The following MAP3K4 variants were observed in gnomAD, a reference collection of about 807,000 sequenced individuals.
MAP3K4 encodes MAP three kinase 1.
Under a neutral mutation model 185.6 loss-of-function variants are expected in MAP3K4, and 67 were observed. The observed-to-expected ratio is 0.36, with a 90% confidence interval of 0.30 to 0.44. MAP3K4 has a LOEUF of 0.44. Among genes scored for constraint, MAP3K4 ranks in the 20% least tolerant of loss-of-function variants. MAP3K4 has a pLI of 1.00. For synonymous variants in MAP3K4, 702 were observed against 710.4 expected, an observed-to-expected ratio of 0.99 and a Z score of 0.19; for missense variants, 1,551 against 1,995.1, an observed-to-expected ratio of 0.78 and a Z score of 4.24.
rs139049030 is a variant in MAP3K4, at chr6:161,018,254, A to G, written c.153-16005A>G. Among the ~76,000 whole-genome samples, 715 of 152,264 alleles carry G rather than the reference A, an allele frequency of 4.7e-3. 5 individuals are homozygous for G. Among genetic ancestry groups the G allele is most frequent in the African/African-American group, 0.017 (695 of 41,548 alleles). ...GTGATCTAGAAAAAGAGCTCCAGAA[A>G]ATTTATATAAGGCCTTCTTGAGTCG... On this transcript the variant is annotated intron_variant, in intron 1 of 26. Coordinates refer to ENST00000392142, the MANE Select transcript of MAP3K4 (RefSeq NM_005922.4).
At position 161,073,734 on chromosome 6, in the gene MAP3K4, A is replaced by T. The variant is rs192685387; in HGVS notation, c.2097+122A>T. ...ACATATTCAGATAAACTTCTCTAGTAATGAATTATAGAAATGATCCCTGAA... is the reference window on the plus strand; with the variant it reads ...ACATATTCAGATAAACTTCTCTAGTTATGAATTATAGAAATGATCCCTGAA... On this transcript the variant is annotated intron_variant, in intron 5 of 26. Transcript: ENST00000392142. This position sits in a 1 kb window ranked among gnomAD's most constrained non-coding sequence, Gnocchi z 4.2. 9.1e-4 allele frequency: 911 copies of T among 995,950 alleles called. 8 individuals carry two copies. In the African/African-American group the frequency reaches 0.014, roughly 15 times the overall value. The allele number at this position is 995,950 out of a possible 1,614,324, so 61.7% of individuals were successfully genotyped here. A position where few individuals can be genotyped will look rare whatever the true frequency, so the allele number is the denominator to read the frequency against.
rs1268676579 is a variant in MAP3K4, at chr6:161,101,564, C to T, written c.3675-328C>T. 1 of 184,472 alleles carries T rather than the reference C, an allele frequency of 5.4e-6. No individual in the cohort carries two copies. The highest frequency in any genetic ancestry group is 2.3e-5 in the African/African-American group (1 of 42,734). The allele number at this position is 184,472 out of a possible 1,614,324, so 11.4% of individuals were successfully genotyped here. On this transcript the variant is annotated intron_variant, in intron 17 of 26. Coordinates refer to ENST00000392142, the MANE Select transcript of MAP3K4 (RefSeq NM_005922.4). The surrounding 1 kb of genome is among the most constrained non-coding windows in gnomAD (Gnocchi z 5.1). ...ACAAGGTTTTATGCAGGCAGGTGCT[C>T]TCAGGCTCGGGTGTTGGCTATGGAG...
Position 161,097,184 on chromosome 6 carries a change from G to A in MAP3K4, c.3524+8G>A, listed in dbSNP as rs764519195. 3 of 1,612,406 alleles carry A rather than the reference G, an allele frequency of 1.9e-6. No individual in the cohort carries two copies. Among genetic ancestry groups the A allele is most frequent in the Non-Finnish European group, 2.5e-6 (3 of 1,178,600 alleles). ...CACTCCAGAGGGATTCAGGTATTTGGTGCTTATCTAGTCATTTGCTTTACA... is the reference window on the plus strand; with the variant it reads ...CACTCCAGAGGGATTCAGGTATTTGATGCTTATCTAGTCATTTGCTTTACA... On this transcript the variant is annotated splice_region_variant and intron_variant, in intron 16 of 26. Coordinates refer to ENST00000392142, the MANE Select transcript of MAP3K4 (RefSeq NM_005922.4). The surrounding 1 kb of genome is among the most constrained non-coding windows in gnomAD (Gnocchi z 4.9).
intron 1 of MAP3K4, among the ~76,000 whole-genome samples, chr6:161,014,531 A>G (rs529979944): frequency 2.6e-5 from 4 of 152,342 alleles, no homozygotes; most frequent in Non-Finnish European, 5.9e-5. Flanking sequence ...GCTAGTCACA[A>G]TTTCCTCTAG....
At chr6:161,079,133 G>C (rs138642471) in intron 5 of MAP3K4, among the ~76,000 whole-genome samples, 2 of 147,156 alleles carry the variant, frequency 1.4e-5, no homozygotes, top group East Asian at 4.2e-4. Context: ...AGAATCACTT[G>C]AACCTGGGAG....
rs570762027 is a variant in MAP3K4 at position 161,064,418 on chromosome 6, G to A, written c.1708-6190G>A. On this transcript the variant is annotated intron_variant, in intron 3 of 26. Transcript: ENST00000392142. This position sits in a 1 kb window ranked among gnomAD's most constrained non-coding sequence, Gnocchi z 4.3. ...TGTTAATTGCTTATAACATACATTA[G>A]ATAACCCATTATTTTCCAACTTCTT... is the stretch of plus-strand genomic sequence containing the variant. Among the ~76,000 whole-genome samples, 18 of 151,152 alleles carry A rather than the reference G, an allele frequency of 1.2e-4. No individual in the cohort carries two copies. In the South Asian group the frequency reaches 3.7e-3, roughly 31 times the overall value.
rs1243667226 is a variant in MAP3K4 at position 161,101,673 on chromosome 6, G to T, written c.3675-219G>T. 2.1e-6 allele frequency: 1 copy of T among 481,724 alleles called. No homozygotes were observed. Among genetic ancestry groups the T allele is most frequent in the Non-Finnish European group, 3.7e-6 (1 of 267,258 alleles). The allele number at this position is 481,724 out of a possible 1,614,324, so 29.8% of individuals were successfully genotyped here. A position where few individuals can be genotyped will look rare whatever the true frequency, so the allele number is the denominator to read the frequency against. On this transcript the variant is annotated intron_variant, in intron 17 of 26. Transcript: ENST00000392142. The surrounding 1 kb of genome is among the most constrained non-coding windows in gnomAD (Gnocchi z 5.1). Reference sequence around the variant, plus strand: ...TCTCCACAGCAGCGCTGTTCACTTAGGGGGCTGATTCTGGTGGGTCTGTCC... The same window carrying T: ...TCTCCACAGCAGCGCTGTTCACTTATGGGGCTGATTCTGGTGGGTCTGTCC...
At chr6:161,000,063 T>C (rs1339080244) in intron 1 of MAP3K4, among the ~76,000 whole-genome samples, 1 of 152,240 alleles carries the variant, frequency 6.6e-6, no homozygotes, top group Non-Finnish European at 1.5e-5. Context: ...GTAGTGGTTT[T>C]GAAACTGTGT....
In MAP3K4 at chr6:161,065,451, T is replaced by A. The variant is rs145891253; in HGVS notation, c.1708-5157T>A. On this transcript the variant is annotated intron_variant, in intron 3 of 26. Coordinates refer to ENST00000392142, the MANE Select transcript of MAP3K4 (RefSeq NM_005922.4). The stretch of plus-strand genomic sequence containing the variant: ...GCTCACTGGTTTTATTGTAATAATT[T>A]GGAATGCAAGATCCAGGCCTTTTCT... 9.2e-5 allele frequency among the ~76,000 whole-genome samples: 14 copies of A among 152,326 alleles called. No individual in the cohort carries two copies. In the East Asian group the frequency reaches 1.2e-3, roughly 13 times the overall value.
Position 161,097,948 on chromosome 6 carries a change from A to T in MAP3K4, c.3525-330A>T, listed in dbSNP as rs1253842371. 6.6e-6 allele frequency among the ~76,000 whole-genome samples: 1 copy of T among 151,732 alleles called. No individual in the cohort carries two copies. Among genetic ancestry groups the T allele is most frequent in the African/African-American group, 2.4e-5 (1 of 41,304 alleles). Reference sequence around the variant, plus strand: ...AATACAACAAAGATAATAGCTGGGTATGGTGGCCGTGCCTGTAGTCCCAGC... The same window carrying T: ...AATACAACAAAGATAATAGCTGGGTTTGGTGGCCGTGCCTGTAGTCCCAGC... On this transcript the variant is annotated intron_variant, in intron 16 of 26. Coordinates refer to ENST00000392142, the MANE Select transcript of MAP3K4 (RefSeq NM_005922.4). This position sits in a 1 kb window ranked among gnomAD's most constrained non-coding sequence, Gnocchi z 4.9.
rs1227720741 is a variant in MAP3K4 at position 161,115,309 on chromosome 6, C to T, written c.4806+7C>T. 2 of 1,610,026 alleles carry T rather than the reference C, an allele frequency of 1.2e-6. No individual in the cohort carries two copies. The highest frequency in any genetic ancestry group is 2.7e-5 in the African/African-American group (2 of 74,808). ...CGACCATTCGTTTGTCAAGGTTTGG[C>T]AGATTACTGGATAGTCTTTTTCATG... is the stretch of plus-strand genomic sequence containing the variant. On this transcript the variant is annotated splice_region_variant and intron_variant, in intron 26 of 26. Transcript: ENST00000392142. The surrounding 1 kb of genome is among the most constrained non-coding windows in gnomAD (Gnocchi z 6.0).
chr6:161,001,361 CAT>C (rs1233478915), intron 1 of MAP3K4, among the ~76,000 whole-genome samples: 11 of 151,788 alleles, frequency 7.2e-5, no homozygotes, highest in Admixed American at 7.2e-4. Flanking sequence ...ATATATATGT[CAT>C]ATGTAATCTA....
chr6:161,016,523 G>A (rs1465658356), intron 1 of MAP3K4, among the ~76,000 whole-genome samples: 1 of 152,164 alleles, frequency 6.6e-6, no homozygotes, highest in Non-Finnish European at 1.5e-5. Flanking sequence ...TTTCACATAT[G>A]GTGTGAATTA....
chr6:161,006,003 G>C (rs937090392), intron 1 of MAP3K4, among the ~76,000 whole-genome samples: 2 of 152,154 alleles, frequency 1.3e-5, no homozygotes, highest in Non-Finnish European at 2.9e-5. Flanking sequence ...GGCCAGGCTG[G>C]TTTCGAATTC....
chr6:161,052,550 G>A (rs935604985), intron 3 of MAP3K4, among the ~76,000 whole-genome samples: 2 of 152,196 alleles, frequency 1.3e-5, no homozygotes, highest in African/African-American at 4.8e-5. Context: ...TTCATAAGAT[G>A]CTAAGTGTTC....
intron 4 of MAP3K4, among the ~76,000 whole-genome samples, chr6:161,072,183 TAGCTCTCTTAC>T (rs1287832320): frequency 1.3e-5 from 2 of 152,238 alleles, no homozygotes; most frequent in Non-Finnish European, 2.9e-5. Flanking sequence ...ACTGTAGCCA[TAGCTCTCTTAC>T]AGTGGATAAT....
intron 6 of MAP3K4, 86 bp downstream of exon 6, chr6:161,081,124 T>C: frequency 7.2e-7 from 1 of 1,397,880 alleles, no homozygotes; most frequent in Non-Finnish European, 9.7e-7. Context: ...TATGTGTTTG[T>C]ATGTTTAGTT....
At position 161,084,630 on chromosome 6, in the gene MAP3K4, C is replaced by T. The variant is rs1203527717; in HGVS notation, c.2372+13C>T. On this transcript the variant is annotated intron_variant, in intron 7 of 26. Coordinates refer to ENST00000392142, the MANE Select transcript of MAP3K4 (RefSeq NM_005922.4). This position sits in a 1 kb window ranked among gnomAD's most constrained non-coding sequence, Gnocchi z 4.6. ...CCGACGAAATCAGGTTGGAGTTGTG[C>T]TTCCTTTCCCCTTCCACTTCTTATC... 1 of 1,423,794 alleles carries T rather than the reference C, an allele frequency of 7.0e-7. No homozygotes were observed. The highest frequency in any genetic ancestry group is 1.4e-5 in the African/African-American group (1 of 71,436). 88.2% of individuals were successfully genotyped at this position (1,423,794 alleles called of 1,614,324 possible).
rs3050257 is a variant in MAP3K4 at position 161,047,117 on chromosome 6, C to CATATATATATATATATATATATAT, written c.344-1494_344-1471dup. Among the ~76,000 whole-genome samples, 42 of 134,994 alleles carry CATATATATATATATATATATATAT rather than the reference C, an allele frequency of 3.1e-4. 1 individual carries two copies. The highest frequency in any genetic ancestry group is 3.8e-3 in the Middle Eastern group (1 of 264). 88.6% of individuals were successfully genotyped at this position (134,994 alleles called of 152,430 possible). On this transcript the variant is annotated intron_variant, in intron 2 of 26. Transcript: ENST00000392142. ...TATGTAGATATATATTTCACTTATG[C>CATATATATATATATATATATATAT]ATATATATATATATATATATATATA...
Sources: allele counts gnomAD v4.1 joint callset (sites outside exome capture counted in the v4.1 genomes callset), GRCh38; gene constraint gnomAD v4.1.1; non-coding constraint Gnocchi (gnomAD v3.1); transcripts MANE v1.5; gene names NCBI Gene and HGNC (gene_info 2026-07-23, HGNC 2026-07-21).